Variants in REEP6 observed in about 807,000 individuals in gnomAD.
REEP6 encodes receptor expression-enhancing protein 6.
Under a neutral mutation model 22.4 loss-of-function variants are expected in REEP6, and 19 were observed. The observed-to-expected ratio is 0.85, with a 90% CI of 0.59 to 1.25. REEP6 has a LOEUF of 1.25. REEP6 is among the 50% of genes most tolerant of loss of function. The probability of loss-of-function intolerance (pLI) is 0.00; values close to 1 mark genes in which losing one functional copy is unlikely to be tolerated. For synonymous variants in REEP6, 121 were observed against 113.6 expected (o/e 1.06, Z -0.41); for missense variants, 273 against 251.9 (o/e 1.08, Z -0.57).
In REEP6 at chr19:1,491,317, C is replaced by A; in HGVS notation, c.48C>A (p.Asn16Lys). 6.8e-7 allele frequency: 1 copy of A among 1,479,898 alleles called. No individual in the cohort carries two copies. The highest frequency in any genetic ancestry group is 9.0e-7 in the Non-Finnish European group (1 of 1,116,310). 91.7% of individuals were successfully genotyped at this position (1,479,898 alleles called of 1,614,324 possible). Residue 16 changes from asparagine (N) to lysine (K), a missense_variant, in exon 1 of 5, where the codon AAC (asparagine) becomes AAA (lysine). Coordinates refer to ENST00000233596, the MANE Select transcript of REEP6 (RefSeq NM_138393.4). The surrounding 1 kb of genome is among the most constrained non-coding windows in gnomAD (Gnocchi z 5.4). ...QRVEHFLEQRNLVTEVLGALE... is the reference protein window; with the variant it reads ...QRVEHFLEQRKLVTEVLGALE... ...TGGAGCACTTCCTGGAGCAAAGGAA[C>A]CTGGTCACCGAAGTGCTGGGGGCGC...
intron 1 of REEP6, among the ~76,000 whole-genome samples, chr19:1,493,273 A>G (rs924956438): frequency 6.6e-6 from 1 of 151,996 alleles, no homozygotes; most frequent in African/African-American, 2.4e-5. Context: ...CCTCATCCCC[A>G]TCTCCCACCT....
intron 1 of REEP6, among the ~76,000 whole-genome samples, chr19:1,494,698 C>CTT (rs939160510): frequency 1.3e-5 from 2 of 148,906 alleles, no homozygotes; most frequent in Non-Finnish European, 3.0e-5. Flanking sequence ...GCAGATTACA[C>CTT]TTTTTTTTTT....
Position 1,495,403 on chromosome 19 carries a change from G to A in REEP6, c.209+16G>A. The A allele has an allele frequency of 1.2e-6, 2 of 1,613,816 alleles. No individual in the cohort carries two copies. The highest frequency in any genetic ancestry group is 2.2e-5 in the East Asian group (1 of 44,886). ...CATATGCCTCGTGAGTGCACGGCTG[G>A]CTGCCCACGCGGGGGGTTCTGGGGG... On this transcript the variant is annotated intron_variant, in intron 2 of 4. Transcript: ENST00000233596.
chr19:1,493,815 C>T (rs1032080088), intron 1 of REEP6, among the ~76,000 whole-genome samples: 6 of 151,770 alleles, frequency 4.0e-5, no homozygotes, highest in East Asian at 1.9e-4. Context: ...AGGCTGATGG[C>T]GGTGGCTCAC....
In REEP6 at chr19:1,496,351, G is replaced by C; in HGVS notation, c.415G>C (p.Val139Leu). Residue 139 changes from valine to leucine, a missense_variant, in exon 4 of 5, where the codon GTC becomes CTC. Coordinates refer to ENST00000233596, the MANE Select transcript of REEP6 (RefSeq NM_138393.4). ...CGGGGCTCTCATGCTGTATCAGCGCGTCGTGCGTCCGCTGTTCCTAAGGCA... is the reference window on the plus strand; with the variant it reads ...CGGGGCTCTCATGCTGTATCAGCGCCTCGTGCGTCCGCTGTTCCTAAGGCA... ...WNGALMLYQRVVRPLFLRHHG... is the reference protein window; with the variant it reads ...WNGALMLYQRLVRPLFLRHHG... 1 of 1,613,028 alleles carries C rather than the reference G, an allele frequency of 6.2e-7. No homozygotes were observed. Among genetic ancestry groups the C allele is most frequent in the African/African-American group, 1.3e-5 (1 of 75,054 alleles).
Position 1,497,183 on chromosome 19 carries a change from G to A in REEP6, c.527G>A (p.Ser176Asn). 4 of 1,166,610 alleles carry A rather than the reference G, an allele frequency of 3.4e-6. No individual in the cohort carries two copies. The highest frequency in any genetic ancestry group is 1.6e-5 in the South Asian group (1 of 63,604). The allele number at this position is 1,166,610 out of a possible 1,614,324, so 72.3% of individuals were successfully genotyped here. ...GCCCCTCTCTCTGCAGTCAAGCCAA[G>A]CCAGACCCCGCAGCCGAAGGACAAG... ...AAGITRNVKP[S>N]QTPQPKDK is the part of the protein sequence containing the mutation. Residue 176 changes from serine (S) to asparagine (N), a missense_variant, in exon 5 of 5, where the codon AGC (serine) becomes AAC (asparagine). Physicochemically the swap from Ser to Asn is conservative, Grantham distance 46. Coordinates refer to ENST00000233596, the MANE Select transcript of REEP6 (RefSeq NM_138393.4). The surrounding 1 kb of genome is among the most constrained non-coding windows in gnomAD (Gnocchi z 6.5).
chr19:1,491,346 A>T lies in REEP6; in HGVS notation c.77A>T (p.Glu26Val), dbSNP rs139331241. ...NLVTEVLGAL[E>V]AKTGVEKRYL... Reference sequence around the variant, plus strand: ...GTCACCGAAGTGCTGGGGGCGCTGGAGGCCAAGACCGGGGTGGAGAAGCGG... The same window carrying T: ...GTCACCGAAGTGCTGGGGGCGCTGGTGGCCAAGACCGGGGTGGAGAAGCGG... The change falls in exon 1 of 5, where the codon GAG becomes GTG. Residue 26 changes from glutamate (E) to valine (V), a missense_variant. Transcript: ENST00000233596. This position sits in a 1 kb window ranked among gnomAD's most constrained non-coding sequence, Gnocchi z 5.4. 22 of 1,479,096 alleles carry T rather than the reference A, an allele frequency of 1.5e-5. No individual in the cohort carries two copies. The African/African-American group carries it at 3.1e-4, about 21-fold the overall frequency. The allele number at this position is 1,479,096 out of a possible 1,614,324, so 91.6% of individuals were successfully genotyped here.
At chr19:1,494,741 A>G (rs749490869) in intron 1 of REEP6, among the ~76,000 whole-genome samples, 11 of 151,960 alleles carry the variant, frequency 7.2e-5, no homozygotes, top group Admixed American at 4.6e-4. Flanking sequence ...CTGGAGTGCA[A>G]CGGCGCGATC....
At chr19:1,496,222 CCT>C in intron 3 of REEP6, 61 bp from the exon 4 acceptor site, 1 of 1,543,744 alleles carries the variant, frequency 6.5e-7, no homozygotes, top group Non-Finnish European at 8.8e-7. Flanking sequence ...TGGTGCAGCC[CCT>C]CTCCCCACCA....
At chr19:1,492,736 T>TC (rs57269910) in intron 1 of REEP6, among the ~76,000 whole-genome samples, 11 of 151,888 alleles carry the variant, frequency 7.2e-5, no homozygotes, top group East Asian at 5.8e-4. Flanking sequence ...GGAGTCCAGT[T>TC]CCCCCCCAAT....
At chr19:1,496,199 G>A (rs1348328349) in intron 3 of REEP6, 86 bp from the exon 4 acceptor site, 18 of 1,468,390 alleles carry the variant, frequency 1.2e-5, no homozygotes, top group African/African-American at 4.2e-5. Context: ...TCCAGGATGG[G>A]CATCTGGTGG....
chr19:1,497,475 G>A lies in REEP6; in HGVS notation c.*264G>A, dbSNP rs1247182439. The A allele has an allele frequency of 2.9e-6, 2 of 694,980 alleles. No individual in the cohort carries two copies. Among genetic ancestry groups the A allele is most frequent in the Non-Finnish European group, 5.4e-6 (2 of 371,144 alleles). The allele number at this position is 694,980 out of a possible 1,614,324, so 43.1% of individuals were successfully genotyped here. A position where few individuals can be genotyped will look rare whatever the true frequency, so the allele number is the denominator to read the frequency against. On this transcript the variant is annotated 3_prime_UTR_variant, in exon 5 of 5. Coordinates refer to ENST00000233596, the MANE Select transcript of REEP6 (RefSeq NM_138393.4). The surrounding 1 kb of genome is among the most constrained non-coding windows in gnomAD (Gnocchi z 6.5). ...CTCCCGCCTGTCCGGCAGGGCCCAG[G>A]GCCAGCGTCGGGCACAGGGCAGCTC...
intron 1 of REEP6, among the ~76,000 whole-genome samples, chr19:1,492,873 G>A (rs1479515592): frequency 2.0e-5 from 3 of 152,170 alleles, no homozygotes; most frequent in East Asian, 1.9e-4. Context: ...GGCATGGCCC[G>A]GCTGTGCCTG....
rs1211904918 is a variant in REEP6, at chr19:1,491,568, G to A, written c.115+184G>A. Among the ~76,000 whole-genome samples, 1 of 152,026 alleles carries A rather than the reference G, an allele frequency of 6.6e-6. No homozygotes were observed. The highest frequency in any genetic ancestry group is 1.9e-4 in the East Asian group (1 of 5,160). Reference sequence around the variant, plus strand: ...GCCCGCGCCCTGCGACCCTGCTCCCGGGCCACCCCTCTCTAGCTTCCGCCC... The same window carrying A: ...GCCCGCGCCCTGCGACCCTGCTCCCAGGCCACCCCTCTCTAGCTTCCGCCC... On this transcript the variant is annotated intron_variant, in intron 1 of 4. Transcript: ENST00000233596. This position sits in a 1 kb window ranked among gnomAD's most constrained non-coding sequence, Gnocchi z 5.4.
Position 1,497,078 on chromosome 19 carries a change from A to T in REEP6, c.518-96A>T. On this transcript the variant is annotated intron_variant, in intron 4 of 4. Coordinates refer to ENST00000233596, the MANE Select transcript of REEP6 (RefSeq NM_138393.4). The surrounding 1 kb of genome is among the most constrained non-coding windows in gnomAD (Gnocchi z 6.5). ...TGGCTGCCCGGCCCCTCGACTTGTC[A>T]TGCTCATAGCCAGTAGCCTCAGTCC... 9.4e-7 allele frequency: 1 copy of T among 1,059,872 alleles called. No individual in the cohort carries two copies. Among genetic ancestry groups the T allele is most frequent in the Non-Finnish European group, 1.3e-6 (1 of 753,664 alleles). 65.7% of individuals were successfully genotyped at this position (1,059,872 alleles called of 1,614,324 possible). A position where few individuals can be genotyped will look rare whatever the true frequency, so the allele number is the denominator to read the frequency against.
Position 1,497,219 on chromosome 19 carries a change from C to G in REEP6, c.*8C>G. 1 of 1,542,592 alleles carries G rather than the reference C, an allele frequency of 6.5e-7. No homozygotes were observed. ...CAGCCGAAGGACAAGTGAAGCAGCC[C>G]CCTGAGCCTCACAAGGACCTCCTGG... On this transcript the variant is annotated 3_prime_UTR_variant, in exon 5 of 5. Coordinates refer to ENST00000233596, the MANE Select transcript of REEP6 (RefSeq NM_138393.4). This position sits in a 1 kb window ranked among gnomAD's most constrained non-coding sequence, Gnocchi z 6.5.
intron 4 of REEP6, 148 bp downstream of exon 4, chr19:1,496,601 C>A: frequency 9.4e-7 from 1 of 1,061,836 alleles, no homozygotes; most frequent in Non-Finnish European, 1.4e-6. Context: ...TCTTGCAGGT[C>A]CTGGCCCGTA....
chr19:1,497,026 T>G lies in REEP6; in HGVS notation c.518-148T>G. The G allele has an allele frequency of 3.1e-6, 2 of 635,552 alleles. No individual in the cohort carries two copies. The highest frequency in any genetic ancestry group is 4.1e-5 in the South Asian group (2 of 48,928). 39.4% of individuals were successfully genotyped at this position (635,552 alleles called of 1,614,324 possible). ...GCATGGGTGACCATGAAAGCCTCTG[T>G]GTGGTTGACACCATCTCTGCTGAGG... On this transcript the variant is annotated intron_variant, in intron 4 of 4. Coordinates refer to ENST00000233596, the MANE Select transcript of REEP6 (RefSeq NM_138393.4). This position sits in a 1 kb window ranked among gnomAD's most constrained non-coding sequence, Gnocchi z 6.5.
In REEP6 at chr19:1,497,573, G is replaced by A. The variant is rs772154113; in HGVS notation, c.*362G>A. On this transcript the variant is annotated 3_prime_UTR_variant, in exon 5 of 5. Transcript: ENST00000233596. The surrounding 1 kb of genome is among the most constrained non-coding windows in gnomAD (Gnocchi z 6.5). Reference sequence around the variant, plus strand: ...CCTCCCAGTCAGCCCTCCCGTCCTCGGGGCCCCTGCAGCCACCCAACGTCA... The same window carrying A: ...CCTCCCAGTCAGCCCTCCCGTCCTCAGGGCCCCTGCAGCCACCCAACGTCA... 8.2e-5 allele frequency: 46 copies of A among 561,484 alleles called. No homozygotes were observed. The highest frequency in any genetic ancestry group is 7.5e-4 in the Admixed American group (34 of 45,080). The allele number at this position is 561,484 out of a possible 1,614,324, so 34.8% of individuals were successfully genotyped here. A position where few individuals can be genotyped will look rare whatever the true frequency, so the allele number is the denominator to read the frequency against.
Sources: allele counts gnomAD v4.1 joint callset (sites outside exome capture counted in the v4.1 genomes callset), GRCh38; gene constraint gnomAD v4.1.1; non-coding constraint Gnocchi (gnomAD v3.1); transcripts MANE v1.5; gene names NCBI Gene and HGNC (gene_info 2026-07-23, HGNC 2026-07-21).